Variants in AGPAT4 observed in about 807,000 individuals in gnomAD.
The protein encoded by AGPAT4 is 1-acylglycerol-3-phosphate O-acyltransferase 4, also known as 1-acyl-sn-glycerol-3-phosphate acyltransferase delta.
AGPAT4 carries 15 observed loss-of-function variants against 48.0 expected under a neutral mutation model. The ratio of observed to expected loss-of-function variants is 0.31; its 90% CI spans 0.21 to 0.48. The LOEUF is 0.48. Among genes scored for constraint, AGPAT4 ranks in the 20% least tolerant of loss-of-function variants. The pLI is 0.99. For missense variants in AGPAT4, 314 were observed against 482.5 expected (o/e 0.65, Z 3.27); for synonymous variants, 178 against 198.7 (o/e 0.90, Z 0.88).
chr6:161,260,424 C>G, intron 1 of AGPAT4, among the ~76,000 whole-genome samples: 1 of 152,094 alleles, frequency 6.6e-6, no homozygotes, highest in Non-Finnish European at 1.5e-5. Context: ...CTTTGGGAGG[C>G]TGAGGCAGGC....
At chr6:161,263,104 C>T (rs961869571) in intron 1 of AGPAT4, among the ~76,000 whole-genome samples, 8 of 139,614 alleles carry the variant, frequency 5.7e-5, no homozygotes, top group African/African-American at 1.7e-4. Flanking sequence ...TTCTCGGCGG[C>T]GGTGGGCGGG....
chr6:161,130,842 T>C lies in AGPAT4; in HGVS notation c.*5698A>G. On this transcript the variant is annotated 3_prime_UTR_variant, in exon 9 of 9. Transcript: ENST00000320285. ...TTTACAAGTCTGAGCCATCCCGTACTAGTTCATCAACTTTCCTTCCTCATG... is the reference window on the plus strand; with the variant it reads ...TTTACAAGTCTGAGCCATCCCGTACCAGTTCATCAACTTTCCTTCCTCATG... 1 of 519,052 alleles carries C rather than the reference T, an allele frequency of 1.9e-6. No individual in the cohort carries two copies. The highest frequency in any genetic ancestry group is 3.8e-6 in the Non-Finnish European group (1 of 259,868). The allele number at this position is 519,052 out of a possible 1,614,324, so 32.2% of individuals were successfully genotyped here. A position where few individuals can be genotyped will look rare whatever the true frequency, so the allele number is the denominator to read the frequency against.
rs1252350778 is a variant in AGPAT4 at position 161,133,766 on chromosome 6, T to A, written c.*2774A>T. Reference sequence around the variant, plus strand: ...TGCCACCTTGAACTACAGAACAGGCTCTCAGTAGCGTGATAAGCTTTAAGC... The same window carrying A: ...TGCCACCTTGAACTACAGAACAGGCACTCAGTAGCGTGATAAGCTTTAAGC... On this transcript the variant is annotated 3_prime_UTR_variant, in exon 9 of 9. Coordinates refer to ENST00000320285, the MANE Select transcript of AGPAT4 (RefSeq NM_020133.3). The A allele has an allele frequency of 6.6e-6, 1 of 152,212 alleles. No individual in the cohort carries two copies. Among genetic ancestry groups the A allele is most frequent in the African/African-American group, 2.4e-5 (1 of 41,430 alleles). The allele number at this position is 152,212 out of a possible 1,614,324, so 9.4% of individuals were successfully genotyped here.
At position 161,249,732 on chromosome 6, in the gene AGPAT4, AT is replaced by A. The variant is rs112790908; in HGVS notation, c.-89-17431del. On this transcript the variant is annotated intron_variant, in intron 1 of 8. Coordinates refer to ENST00000320285, the MANE Select transcript of AGPAT4 (RefSeq NM_020133.3). The surrounding 1 kb of genome is among the most constrained non-coding windows in gnomAD (Gnocchi z 6.2). Reference sequence around the variant, plus strand: ...GGTGGGAGTGTAAGTTAGTTCAACCATTGTGGAAAACAGTGTCGCAATTCCT... The same window carrying A: ...GGTGGGAGTGTAAGTTAGTTCAACCATGTGGAAAACAGTGTCGCAATTCCT... Among the ~76,000 whole-genome samples, 32,050 of 152,158 alleles carry A rather than the reference AT, an allele frequency of 0.21. 3,534 individuals carry two copies. The highest frequency in any genetic ancestry group is 0.32 in the Middle Eastern group (95 of 294).
In AGPAT4 at chr6:161,158,584, C is replaced by T. The variant is rs1170823619; in HGVS notation, c.349-4274G>A. ...GCTCCCCACAGCTCAGGGAAGCAGC[C>T]AGCCCCATGACCTGGTCTGCATCTC... On this transcript the variant is annotated intron_variant, in intron 3 of 8. Coordinates refer to ENST00000320285, the MANE Select transcript of AGPAT4 (RefSeq NM_020133.3). This position sits in a 1 kb window ranked among gnomAD's most constrained non-coding sequence, Gnocchi z 5.3. Among the ~76,000 whole-genome samples the T allele has an allele frequency of 6.6e-6, 1 of 152,156 alleles. No homozygotes were observed. The highest frequency in any genetic ancestry group is 2.4e-5 in the African/African-American group (1 of 41,418).
At position 161,144,930 on chromosome 6, in the gene AGPAT4, G is replaced by A. The variant is rs11963991; in HGVS notation, c.843+1594C>T. Among the ~76,000 whole-genome samples the A allele has an allele frequency of 0.023, 3,524 of 151,880 alleles. 131 individuals carry two copies. The highest frequency in any genetic ancestry group is 0.081 in the African/African-American group (3,351 of 41,256). On this transcript the variant is annotated intron_variant, in intron 7 of 8. Coordinates refer to ENST00000320285, the MANE Select transcript of AGPAT4 (RefSeq NM_020133.3). The surrounding 1 kb of genome is among the most constrained non-coding windows in gnomAD (Gnocchi z 6.6). ...CAGGAGGCAGAGCTTGCAGTGAGCC[G>A]AGATCGCGCCACTGCACTCCAGCCT...
At position 161,158,222 on chromosome 6, in the gene AGPAT4, G is replaced by C. The variant is rs1263660831; in HGVS notation, c.349-3912C>G. On this transcript the variant is annotated intron_variant, in intron 3 of 8. Coordinates refer to ENST00000320285, the MANE Select transcript of AGPAT4 (RefSeq NM_020133.3). This position sits in a 1 kb window ranked among gnomAD's most constrained non-coding sequence, Gnocchi z 5.3. The stretch of plus-strand genomic sequence containing the variant: ...CAAAGAGACTAGAAACTGCTATTAA[G>C]ACATACTGACAGTTCCCCCGGCAAA... Among the ~76,000 whole-genome samples the C allele has an allele frequency of 6.6e-6, 1 of 152,148 alleles. No individual in the cohort carries two copies. Among genetic ancestry groups the C allele is most frequent in the African/African-American group, 2.4e-5 (1 of 41,434 alleles).
chr6:161,231,914 A>T lies in AGPAT4; in HGVS notation c.178+122T>A. On this transcript the variant is annotated intron_variant, in intron 2 of 8. Coordinates refer to ENST00000320285, the MANE Select transcript of AGPAT4 (RefSeq NM_020133.3). This position sits in a 1 kb window ranked among gnomAD's most constrained non-coding sequence, Gnocchi z 5.3. ...AAAATAGCCATTTCAAACCTAAAACAAAAACAAAACAAAAAAACAGCTCGG... is the reference window on the plus strand; with the variant it reads ...AAAATAGCCATTTCAAACCTAAAACTAAAACAAAACAAAAAAACAGCTCGG... The T allele has an allele frequency of 9.7e-7, 1 of 1,036,184 alleles. No homozygotes were observed. Among genetic ancestry groups the T allele is most frequent in the Non-Finnish European group, 1.3e-6 (1 of 752,324 alleles). 64.2% of individuals were successfully genotyped at this position (1,036,184 alleles called of 1,614,324 possible).
intron 1 of AGPAT4, among the ~76,000 whole-genome samples, chr6:161,247,414 C>A (rs1214685357): frequency 6.6e-6 from 1 of 152,116 alleles, no homozygotes; most frequent in Non-Finnish European, 1.5e-5. Flanking sequence ...TTCTTCTATT[C>A]TTTGGCGAAT....
rs1458750671 is a variant in AGPAT4, at chr6:161,200,556, C to T, written c.178+31480G>A. On this transcript the variant is annotated intron_variant, in intron 2 of 8. Coordinates refer to ENST00000320285, the MANE Select transcript of AGPAT4 (RefSeq NM_020133.3). The surrounding 1 kb of genome is among the most constrained non-coding windows in gnomAD (Gnocchi z 5.5). The stretch of plus-strand genomic sequence containing the variant: ...AAACAGTGTGTGTGCTTGGGCATAA[C>T]CACAGGGTAGCGTAATCTCATTTTT... 2.0e-5 allele frequency among the ~76,000 whole-genome samples: 3 copies of T among 152,190 alleles called. No homozygotes were observed. The highest frequency in any genetic ancestry group is 7.2e-5 in the African/African-American group (3 of 41,444).
In AGPAT4 at chr6:161,226,467, C is replaced by T. The variant is rs1483199194; in HGVS notation, c.178+5569G>A. The stretch of plus-strand genomic sequence containing the variant: ...GTTGGAAAAGCCACAGCGACACTCT[C>T]TTTGGGGGATCAACAGCTTTCTTAT... On this transcript the variant is annotated intron_variant, in intron 2 of 8. Transcript: ENST00000320285. This position sits in a 1 kb window ranked among gnomAD's most constrained non-coding sequence, Gnocchi z 6.3. 1.3e-5 allele frequency among the ~76,000 whole-genome samples: 2 copies of T among 152,218 alleles called. No individual in the cohort carries two copies. Among genetic ancestry groups the T allele is most frequent in the South Asian group, 2.1e-4 (1 of 4,834 alleles).
chr6:161,150,886 C>A (rs796201175), intron 5 of AGPAT4, among the ~76,000 whole-genome samples: 1 of 152,214 alleles, frequency 6.6e-6, no homozygotes, highest in South Asian at 2.1e-4. Context: ...ACAGAGCTCA[C>A]GTAGTTCAGC....
Position 161,132,465 on chromosome 6 carries a change from C to T in AGPAT4, c.*4075G>A, listed in dbSNP as rs1350054411. 6.6e-6 allele frequency: 1 copy of T among 152,356 alleles called. No individual in the cohort carries two copies. Among genetic ancestry groups the T allele is most frequent in the African/African-American group, 2.4e-5 (1 of 41,464 alleles). 9.4% of individuals were successfully genotyped at this position (152,356 alleles called of 1,614,324 possible). ...ACCGTGGAGCAATGTGGTGCACCTG[C>T]AGATGCCGCACTCAGCAGCCTGGAA... is the stretch of plus-strand genomic sequence containing the variant. On this transcript the variant is annotated 3_prime_UTR_variant, in exon 9 of 9. Coordinates refer to ENST00000320285, the MANE Select transcript of AGPAT4 (RefSeq NM_020133.3).
chr6:161,139,028 A>G lies in AGPAT4; in HGVS notation c.1042+394T>C, dbSNP rs572154198. On this transcript the variant is annotated intron_variant, in intron 8 of 8. Transcript: ENST00000320285. This position sits in a 1 kb window ranked among gnomAD's most constrained non-coding sequence, Gnocchi z 9.1. ...CAGGCGCCCCCAGAGGAAGGCAGGG[A>G]GCTGCCCATCCGTCCCCGCCAGGCT... Among the ~76,000 whole-genome samples the G allele has an allele frequency of 3.3e-5, 5 of 152,328 alleles. No homozygotes were observed. The South Asian group carries it at 1.0e-3, about 32-fold the overall frequency.
chr6:161,140,074 G>A lies in AGPAT4; in HGVS notation c.844-454C>T, dbSNP rs949362193. 3.9e-5 allele frequency among the ~76,000 whole-genome samples: 6 copies of A among 152,228 alleles called. No individual in the cohort carries two copies. Among genetic ancestry groups the A allele is most frequent in the African/African-American group, 1.4e-4 (6 of 41,462 alleles). ...GTGGAGACCTGGCCCGCAGTCAGGA[G>A]GAGCTCGCCCAGCCCGGCCCGGCAC... is the stretch of plus-strand genomic sequence containing the variant. On this transcript the variant is annotated intron_variant, in intron 7 of 8. Coordinates refer to ENST00000320285, the MANE Select transcript of AGPAT4 (RefSeq NM_020133.3). This position sits in a 1 kb window ranked among gnomAD's most constrained non-coding sequence, Gnocchi z 6.5.
chr6:161,177,649 A>C lies in AGPAT4; in HGVS notation c.179-11232T>G, dbSNP rs1780464667. On this transcript the variant is annotated intron_variant, in intron 2 of 8. Transcript: ENST00000320285. The surrounding 1 kb of genome is among the most constrained non-coding windows in gnomAD (Gnocchi z 5.0). ...TGATCGTCTGAAGCCTTCTTTTCTC[A>C]ACATGTCAAAGTCATTCTCCGTCCA... 6.6e-6 allele frequency among the ~76,000 whole-genome samples: 1 copy of C among 152,062 alleles called. No individual in the cohort carries two copies. Among genetic ancestry groups the C allele is most frequent in the South Asian group, 2.1e-4 (1 of 4,802 alleles).
chr6:161,234,533 G>A lies in AGPAT4; in HGVS notation c.-89-2231C>T, dbSNP rs1390510578. On this transcript the variant is annotated intron_variant, in intron 1 of 8. Transcript: ENST00000320285. The surrounding 1 kb of genome is among the most constrained non-coding windows in gnomAD (Gnocchi z 4.4). Reference sequence around the variant, plus strand: ...CTGAGGAATAGGCGTTAAGCTGGCAGCCCCCGCTCAGTGCACTTGACTTTG... The same window carrying A: ...CTGAGGAATAGGCGTTAAGCTGGCAACCCCCGCTCAGTGCACTTGACTTTG... Among the ~76,000 whole-genome samples, 1 of 152,190 alleles carries A rather than the reference G, an allele frequency of 6.6e-6. No individual in the cohort carries two copies. Among genetic ancestry groups the A allele is most frequent in the African/African-American group, 2.4e-5 (1 of 41,456 alleles).
At position 161,217,958 on chromosome 6, in the gene AGPAT4, C is replaced by G. The variant is rs1258726221; in HGVS notation, c.178+14078G>C. Among the ~76,000 whole-genome samples the G allele has an allele frequency of 6.6e-6, 1 of 152,248 alleles. No individual in the cohort carries two copies. The highest frequency in any genetic ancestry group is 2.4e-5 in the African/African-American group (1 of 41,470). On this transcript the variant is annotated intron_variant, in intron 2 of 8. Coordinates refer to ENST00000320285, the MANE Select transcript of AGPAT4 (RefSeq NM_020133.3). This position sits in a 1 kb window ranked among gnomAD's most constrained non-coding sequence, Gnocchi z 4.9. The stretch of plus-strand genomic sequence containing the variant: ...CTGGGTTGAAGGACAAGGTCTCTTC[C>G]TCATCTCCCAACTCACCTTGTAGCG...
chr6:161,162,674 G>A (rs935668133), intron 3 of AGPAT4, among the ~76,000 whole-genome samples: 2 of 152,206 alleles, frequency 1.3e-5, no homozygotes, highest in African/African-American at 4.8e-5. Context: ...CGCTGCCATG[G>A]ATAACTAATC....
Sources: allele counts gnomAD v4.1 joint callset (sites outside exome capture counted in the v4.1 genomes callset), GRCh38; gene constraint gnomAD v4.1.1; non-coding constraint Gnocchi (gnomAD v3.1); transcripts MANE v1.5; gene names NCBI Gene and HGNC (gene_info 2026-07-23, HGNC 2026-07-21).